TTC6: variants seen among roughly 807,000 people sequenced by gnomAD.
TTC6 encodes the protein tetratricopeptide repeat domain 6, also known as tetratricopeptide repeat protein 6.
A neutral mutation model predicts 210.4 loss-of-function variants in TTC6; 172 were observed. That is an observed-to-expected ratio of 0.82 (90% CI 0.72 to 0.93). TTC6 has a LOEUF of 0.93. Ranked by LOEUF, TTC6 falls within the 40% of genes least tolerant of loss-of-function variation. The probability of loss-of-function intolerance (pLI) is 0.00; values close to 1 mark genes in which losing one functional copy is unlikely to be tolerated. For synonymous variants in TTC6, 804 were observed against 819.6 expected (o/e 0.98, Z 0.32); for missense variants, 2,414 against 2,318.1 (o/e 1.04, Z -0.85).
At chr14:37,724,944 C>T (rs1427367357) in exon 7 of TTC6, 1 of 1,529,454 alleles carries the variant, frequency 6.5e-7, no homozygotes, top group Admixed American at 2.0e-5. Flanking sequence ...AATACAGCTG[C>T]ACCTAAATTC....
At chr14:37,607,843 T>C (rs1006075437) in intron 2 of TTC6, among the ~76,000 whole-genome samples, 1 of 152,164 alleles carries the variant, frequency 6.6e-6, no homozygotes, top group Non-Finnish European at 1.5e-5. Flanking sequence ...TTGCTCAGAA[T>C]GCTATATTTA....
chr14:37,826,733 T>C (rs1300813429), intron 28 of TTC6, among the ~76,000 whole-genome samples: 1 of 152,254 alleles, frequency 6.6e-6, no homozygotes, highest in South Asian at 2.1e-4. Context: ...AAAAATCTCA[T>C]GTTGAATGCA....
intron 27 of TTC6, among the ~76,000 whole-genome samples, chr14:37,824,163 G>A (rs1237204386): frequency 6.6e-6 from 1 of 152,076 alleles, no homozygotes; most frequent in African/African-American, 2.4e-5. Flanking sequence ...CTGGGGAGCT[G>A]GTAGGCTGGT....
At chr14:37,769,219 G>A (rs2096009694) in intron 14 of TTC6, among the ~76,000 whole-genome samples, 2 of 151,764 alleles carry the variant, frequency 1.3e-5, no homozygotes, top group Non-Finnish European at 2.9e-5. Flanking sequence ...TTTTATTGAG[G>A]ATTTTTGCAT....
chr14:37,766,333 A>T, intron 14 of TTC6, among the ~76,000 whole-genome samples: 1 of 152,172 alleles, frequency 6.6e-6, no homozygotes, highest in East Asian at 1.9e-4. Context: ...ACAGTAACCA[A>T]TACGTAGTTT....
upstream of TTC6, among the ~76,000 whole-genome samples, chr14:37,621,397 C>G (rs1034853025): frequency 2.0e-5 from 3 of 152,076 alleles, no homozygotes; most frequent in Non-Finnish European, 4.4e-5. Context: ...ATGGCATGAG[C>G]CCAGGGAGTT....
intron 14 of TTC6, among the ~76,000 whole-genome samples, chr14:37,779,630 C>T (rs1192168906): frequency 6.6e-6 from 1 of 152,122 alleles, no homozygotes; most frequent in African/African-American, 2.4e-5. Flanking sequence ...TTTGGAATAA[C>T]TTGCCTCTAA....
At chr14:37,622,294 C>T (rs1370776290) in exon 1 of TTC6, 2 of 1,535,010 alleles carry the variant, frequency 1.3e-6, no homozygotes, top group South Asian at 1.2e-5. Flanking sequence ...AGAAGATACC[C>T]TTCGCTTAAA....
chr14:37,795,338 A>G, exon 18 of TTC6: 2 of 1,527,506 alleles, frequency 1.3e-6, no homozygotes, highest in Non-Finnish European at 8.8e-7. Context: ...ATGGAATCCA[A>G]TTATACATAA....
In TTC6 at chr14:37,771,916, T is replaced by C. The variant is rs540819555; in HGVS notation, c.3267-15552T>C. 6.9e-4 allele frequency among the ~76,000 whole-genome samples: 105 copies of C among 152,356 alleles called. 1 individual carries two copies. Among genetic ancestry groups the C allele is most frequent in the Middle Eastern group, 3.4e-3 (1 of 294 alleles). ...AGTTTCCAGTTTTTCTGTTCTGTTT[T>C]TTCCCCATCTTTGTGGTTTTATCTA... On this transcript the variant is annotated intron_variant, in intron 14 of 30. Transcript: ENST00000553443.
chr14:37,757,788 T>A (rs2095972477), intron 14 of TTC6, among the ~76,000 whole-genome samples: 1 of 152,176 alleles, frequency 6.6e-6, no homozygotes. Flanking sequence ...GGGTGTCGAT[T>A]TTAGATTGTT....
At chr14:37,636,310 GAGA>G (rs1432019650) in intron 1 of TTC6, among the ~76,000 whole-genome samples, 2 of 152,200 alleles carry the variant, frequency 1.3e-5, no homozygotes, top group Admixed American at 1.3e-4. Flanking sequence ...CCAACAACAG[GAGA>G]ATACACATTT....
intron 23 of TTC6, 87 bp from the exon 26 acceptor site, chr14:37,808,646 C>T: frequency 1.4e-6 from 1 of 697,566 alleles, no homozygotes; most frequent in Non-Finnish European, 2.4e-6. Flanking sequence ...GTTTCAAAAA[C>T]TCTGATAGAA....
chr14:37,812,244 T>TAC (rs2096131148), intron 24 of TTC6, 70 bp from the exon 27 acceptor site: 1 of 1,506,670 alleles, frequency 6.6e-7, no homozygotes, highest in African/African-American at 1.4e-5. Flanking sequence ...TGGACATAAA[T>TAC]ACGTTTGTCC....
At chr14:37,681,440 A>G (rs1301340846) in intron 2 of TTC6, among the ~76,000 whole-genome samples, 3 of 152,206 alleles carry the variant, frequency 2.0e-5, no homozygotes, top group Admixed American at 2.0e-4. Flanking sequence ...CGTCTTGATT[A>G]TTTAAAATAA....
intron 27 of TTC6, among the ~76,000 whole-genome samples, chr14:37,824,429 TTCCAAG>T (rs2139499960): frequency 6.6e-6 from 1 of 152,128 alleles, no homozygotes; most frequent in East Asian, 1.9e-4. Flanking sequence ...AGAGAGGGAT[TTCCAAG>T]GCAGCTAGAG....
At chr14:37,828,348 G>C (rs1214168508) in intron 29 of TTC6, among the ~76,000 whole-genome samples, 2 of 151,434 alleles carry the variant, frequency 1.3e-5, no homozygotes, top group Non-Finnish European at 2.9e-5. Context: ...ATCTTTTTGA[G>C]TTGGAAGCTT....
intron 2 of TTC6, among the ~76,000 whole-genome samples, chr14:37,610,552 G>T (rs2095632627): frequency 6.6e-6 from 1 of 152,116 alleles, no homozygotes; most frequent in African/African-American, 2.4e-5. Flanking sequence ...TTTAAAAAAT[G>T]GTGAGATATT....
At chr14:37,745,812 A>G (rs887708165) in intron 10 of TTC6, among the ~76,000 whole-genome samples, 1 of 152,154 alleles carries the variant, frequency 6.6e-6, no homozygotes, top group Non-Finnish European at 1.5e-5. Context: ...TTCACTGTGT[A>G]TACCTAAGCC....
Sources: gnomAD v4.1 joint callset for allele counts (sites outside exome capture counted in the v4.1 genomes callset) on GRCh38, gnomAD v4.1.1 for gene constraint, MANE v1.5 for transcripts, NCBI Gene and HGNC (gene_info 2026-07-23, HGNC 2026-07-21) for gene names.